PAPOLB: variants seen among roughly 807,000 people sequenced by gnomAD.
PAPOLB encodes poly(A) polymerase beta, also known as PAP-beta.
Under a neutral mutation model 23.2 loss-of-function variants are expected in PAPOLB, and 19 were observed. The ratio of observed to expected loss-of-function variants is 0.82; its 90% CI spans 0.57 to 1.20. The LOEUF is 1.20. PAPOLB is among the 50% of genes most tolerant of loss of function. PAPOLB has a pLI of 0.00. For missense variants in PAPOLB, 822 were observed against 776.8 expected, an observed-to-expected ratio of 1.06 and a Z score of -0.69; for synonymous variants, 360 against 290.7, an observed-to-expected ratio of 1.24 and a Z score of -2.43.
rs368004972 is a variant in PAPOLB at position 4,861,652 on chromosome 7, G to A, written c.159C>T (p.Phe53=). ...LIETLRPFGV[F]EEEEELQRRI... ...TGCGCTGCAGTTCCTCTTCCTCTTC[G>A]AAGACCCCGAAGGGCCTGAGGGTTT... Residue 53 remains phenylalanine, a synonymous_variant, in exon 1 of 1, where the codon TTC becomes TTT. Coordinates refer to ENST00000404991, the MANE Select transcript of PAPOLB (RefSeq NM_020144.5). 6.2e-7 allele frequency: 1 copy of A among 1,605,144 alleles called. No homozygotes were observed. The highest frequency in any genetic ancestry group is 2.2e-5 in the East Asian group (1 of 44,828).
At position 4,861,563 on chromosome 7, in the gene PAPOLB, C is replaced by G; in HGVS notation, c.248G>C (p.Ser83Thr). ...AATTACAGACTGGGGAAGACTCTTG[C>G]TTTCACTGATTTCGCGTATCCATTC... ...VKEWIREISE[S>T]KSLPQSVIEN... The change falls in exon 1 of 1, where the codon AGC (serine) becomes ACC (threonine). Residue 83 changes from serine to threonine, a missense_variant. By Grantham distance (58) the Ser-to-Thr change is moderately conservative. Around this residue, in one of 3 missense-constraint regions of PAPOLB, gnomAD observed 276 missense variants for 243.9 expected, o/e 1.13. Coordinates refer to ENST00000404991, the MANE Select transcript of PAPOLB (RefSeq NM_020144.5). 1.2e-6 allele frequency: 2 copies of G among 1,614,004 alleles called. No individual in the cohort carries two copies. Among genetic ancestry groups the G allele is most frequent in the Non-Finnish European group, 1.7e-6 (2 of 1,179,884 alleles).
rs760580979 is a variant in PAPOLB at position 4,861,047 on chromosome 7, G to C, written c.764C>G (p.Ala255Gly). Residue 255 changes from alanine (A) to glycine (G), a missense_variant, in exon 1 of 1, where the codon GCA (alanine) becomes GGA (glycine). Coordinates refer to ENST00000404991, the MANE Select transcript of PAPOLB (RefSeq NM_020144.5). ...LGGVSWAMLV[A>G]RTCQLYPNAV... ...ATTTGGATAAAGCTGACAAGTTCTT[G>C]CTACTAGCATGGCCCAGGAAACACC... 1.2e-6 allele frequency: 2 copies of C among 1,614,202 alleles called. No individual in the cohort carries two copies. Among genetic ancestry groups the C allele is most frequent in the South Asian group, 2.2e-5 (2 of 91,080 alleles).
Position 4,861,790 on chromosome 7 carries a change from T to A in PAPOLB, c.21A>T (p.Thr7=). 1 of 1,468,166 alleles carries A rather than the reference T, an allele frequency of 6.8e-7. No individual in the cohort carries two copies. Among genetic ancestry groups the A allele is most frequent in the Non-Finnish European group, 9.0e-7 (1 of 1,111,956 alleles). 90.9% of individuals were successfully genotyped at this position (1,468,166 alleles called of 1,614,324 possible). MMPFPV[T]TQGPPQPAPP... is the part of the protein sequence containing the mutation. ...GCGCCGGCTGCGGTGGTCCCTGGGT[T>A]GTCACCGGAAACGGCATCATCTTTC... Residue 7 remains threonine, a synonymous_variant, in exon 1 of 1, where the codon ACA becomes ACT. Transcript: ENST00000404991.
Position 4,861,731 on chromosome 7 carries a change from A to T in PAPOLB, c.80T>A (p.Ile27Asn). ...CGTCTCCTTGGGGACCGCTAGACTG[A>T]TAGGCGAGGAGACGCCGTAGCGATT... ...PPNRYGVSSPISLAVPKETDC... is the reference protein window; with the variant it reads ...PPNRYGVSSPNSLAVPKETDC... Residue 27 changes from isoleucine (I) to asparagine (N), a missense_variant, in exon 1 of 1, where the codon ATC (isoleucine) becomes AAC (asparagine). Ile to Asn is a moderately radical substitution (Grantham distance 149). Transcript: ENST00000404991. The T allele has an allele frequency of 6.6e-7, 1 of 1,523,750 alleles. No individual in the cohort carries two copies. The highest frequency in any genetic ancestry group is 1.3e-5 in the South Asian group (1 of 75,782). 94.4% of individuals were successfully genotyped at this position (1,523,750 alleles called of 1,614,324 possible).
In PAPOLB at chr7:4,861,763, C is replaced by A; in HGVS notation, c.48G>T (p.Pro16=). The part of the protein sequence containing the change: ...VTTQGPPQPA[P]PPNRYGVSSP... ...AGGAGACGCCGTAGCGATTCGGCGG[C>A]GGCGCCGGCTGCGGTGGTCCCTGGG... The change falls in exon 1 of 1, where the codon CCG becomes CCT. Residue 16 remains proline, a synonymous_variant. Coordinates refer to ENST00000404991, the MANE Select transcript of PAPOLB (RefSeq NM_020144.5). 6.7e-7 allele frequency: 1 copy of A among 1,485,324 alleles called. No individual in the cohort carries two copies. The highest frequency in any genetic ancestry group is 8.9e-7 in the Non-Finnish European group (1 of 1,119,752). 92.0% of individuals were successfully genotyped at this position (1,485,324 alleles called of 1,614,324 possible). A position where few individuals can be genotyped will look rare whatever the true frequency, so the allele number is the denominator to read the frequency against.
At position 4,861,743 on chromosome 7, in the gene PAPOLB, ACGCCGTAGCGATTCGGCGGCGG is replaced by A; in HGVS notation, c.46_67del (p.Pro16SerfsTer7). 2.0e-6 allele frequency: 3 copies of A among 1,507,744 alleles called. No homozygotes were observed. Among genetic ancestry groups the A allele is most frequent in the Non-Finnish European group, 2.7e-6 (3 of 1,130,258 alleles). 93.4% of individuals were successfully genotyped at this position (1,507,744 alleles called of 1,614,324 possible). A position where few individuals can be genotyped will look rare whatever the true frequency, so the allele number is the denominator to read the frequency against. On this transcript the variant is annotated frameshift_variant, in exon 1 of 1. Coordinates refer to ENST00000404991, the MANE Select transcript of PAPOLB (RefSeq NM_020144.5). LOFTEE classifies it high-confidence loss of function. ...GACCGCTAGACTGATAGGCGAGGAGACGCCGTAGCGATTCGGCGGCGGCGCCGGCTGCGGTGGTCCCTGGGTT... is the reference window on the plus strand; with the variant it reads ...GACCGCTAGACTGATAGGCGAGGAGACGCCGGCTGCGGTGGTCCCTGGGTT...
In PAPOLB at chr7:4,861,159, T is replaced by C. The variant is rs770841274; in HGVS notation, c.652A>G (p.Ile218Val). 9.3e-6 allele frequency: 15 copies of C among 1,614,134 alleles called. No individual in the cohort carries two copies. In the South Asian group the frequency reaches 1.5e-4, roughly 17 times the overall value. ...CTCAGAGTCAGCCTGAAGTTGTCAA[T>C]GTTTGGCACTAGATGTAAAATTTCA... ...TDEILHLVPN[I>V]DNFRLTLRAI... The change falls in exon 1 of 1, where the codon ATT (isoleucine) becomes GTT (valine). Residue 218 changes from isoleucine (I) to valine (V), a missense_variant. By Grantham distance (29) the Ile-to-Val change is conservative. Transcript: ENST00000404991.
rs576629615 is a variant in PAPOLB, at chr7:4,857,862, A to C, written c.*2035T>G. 2 of 152,660 alleles carry C rather than the reference A, an allele frequency of 1.3e-5. No individual in the cohort carries two copies. Among genetic ancestry groups the C allele is most frequent in the Admixed American group, 6.5e-5 (1 of 15,282 alleles). 9.5% of individuals were successfully genotyped at this position (152,660 alleles called of 1,614,324 possible). ...AAAGCAAACTCCACTCACTAGGTAC[A>C]TCACATGAAAAAATGGTCTGACATT... On this transcript the variant is annotated 3_prime_UTR_variant, in exon 1 of 1. Coordinates refer to ENST00000404991, the MANE Select transcript of PAPOLB (RefSeq NM_020144.5).
rs970806944 is a variant in PAPOLB at position 4,858,407 on chromosome 7, T to G, written c.*1490A>C. On this transcript the variant is annotated 3_prime_UTR_variant, in exon 1 of 1. Transcript: ENST00000404991. ...TCCTAATCATAGATGCTCTACTGCT[T>G]AATTATGAGATTTTTTTTAACTTAA... 3.9e-5 allele frequency: 6 copies of G among 152,354 alleles called. No individual in the cohort carries two copies. Among genetic ancestry groups the G allele is most frequent in the Non-Finnish European group, 8.8e-5 (6 of 68,010 alleles). 9.4% of individuals were successfully genotyped at this position (152,354 alleles called of 1,614,324 possible). A position where few individuals can be genotyped will look rare whatever the true frequency, so the allele number is the denominator to read the frequency against.
In PAPOLB at chr7:4,859,762, G is replaced by T; in HGVS notation, c.*135C>A. 1.6e-6 allele frequency: 1 copy of T among 621,624 alleles called. No homozygotes were observed. Among genetic ancestry groups the T allele is most frequent in the South Asian group, 2.0e-5 (1 of 49,712 alleles). The allele number at this position is 621,624 out of a possible 1,614,324, so 38.5% of individuals were successfully genotyped here. A position where few individuals can be genotyped will look rare whatever the true frequency, so the allele number is the denominator to read the frequency against. On this transcript the variant is annotated 3_prime_UTR_variant, in exon 1 of 1. Coordinates refer to ENST00000404991, the MANE Select transcript of PAPOLB (RefSeq NM_020144.5). ...AAAGATCTATACTGATGTTCCCTGA[G>T]AGGCCAATAGAGAAGATGCTGTCTG...
Position 4,860,172 on chromosome 7 carries a change from G to C in PAPOLB, c.1639C>G (p.Pro547Ala). 4 of 1,613,894 alleles carry C rather than the reference G, an allele frequency of 2.5e-6. No homozygotes were observed. The highest frequency in any genetic ancestry group is 3.4e-6 in the Non-Finnish European group (4 of 1,179,864). The change falls in exon 1 of 1, where the codon CCA (proline) becomes GCA (alanine). Residue 547 changes from proline (P) to alanine (A), a missense_variant. By Grantham distance (27) the Pro-to-Ala change is conservative. Transcript: ENST00000404991. ...PSSTSTMKTG[P>A]LISSSQGRNS... ...CTACCCTGAGAACTGCTAATCAATG[G>C]GCCTGTCTTCATAGTGCTAGTAGAT... is the stretch of plus-strand genomic sequence containing the variant.
In PAPOLB at chr7:4,860,698, C is replaced by T. The variant is rs762210778; in HGVS notation, c.1113G>A (p.Lys371=). The change falls in exon 1 of 1, where the codon AAG becomes AAA. Residue 371 remains lysine, a synonymous_variant. Coordinates refer to ENST00000404991, the MANE Select transcript of PAPOLB (RefSeq NM_020144.5). The part of the protein sequence containing the change: ...KLFEAPSFFQ[K]YKHYIVLLAS... ...CCAGAAGTACAATATAATGCTTGTACTTTTGAAAGAAGCTTGGAGCTTCAA... is the reference window on the plus strand; with the variant it reads ...CCAGAAGTACAATATAATGCTTGTATTTTTGAAAGAAGCTTGGAGCTTCAA... 1.2e-6 allele frequency: 2 copies of T among 1,614,142 alleles called. No homozygotes were observed. The highest frequency in any genetic ancestry group is 1.7e-6 in the Non-Finnish European group (2 of 1,180,016).
rs181339611 is a variant in PAPOLB at position 4,859,004 on chromosome 7, C to A, written c.*893G>T. ...TGCTAATTACTCTAAAACAGTTCTA[C>A]AGATTAAAACCAGTGTGTCCTTTCT... On this transcript the variant is annotated 3_prime_UTR_variant, in exon 1 of 1. Coordinates refer to ENST00000404991, the MANE Select transcript of PAPOLB (RefSeq NM_020144.5). The A allele has an allele frequency of 6.6e-5, 10 of 152,272 alleles. No individual in the cohort carries two copies. The East Asian group carries it at 1.7e-3, about 26-fold the overall frequency. The allele number at this position is 152,272 out of a possible 1,614,324, so 9.4% of individuals were successfully genotyped here. A position where few individuals can be genotyped will look rare whatever the true frequency, so the allele number is the denominator to read the frequency against.
At position 4,860,534 on chromosome 7, in the gene PAPOLB, T is replaced by C. The variant is rs6964535; in HGVS notation, c.1277A>G (p.Lys426Arg). ...AAATTCTTCCATATCAGGATTTTCT[T>C]TGGGTGCTGGAAATGACTGTGGATT... ...HVNPQSFPAP[K>R]ENPDMEEFRT... The change falls in exon 1 of 1, where the codon AAA becomes AGA. Residue 426 changes from lysine to arginine, a missense_variant. Transcript: ENST00000404991. 8,699 of 1,614,202 alleles carry C rather than the reference T, an allele frequency of 5.4e-3. 375 individuals carry two copies. In the African/African-American group the frequency reaches 0.1, roughly 19 times the overall value.
chr7:4,858,764 A>G lies in PAPOLB; in HGVS notation c.*1133T>C, dbSNP rs1275587998. The G allele has an allele frequency of 1.3e-5, 2 of 152,408 alleles. No homozygotes were observed. Among genetic ancestry groups the G allele is most frequent in the African/African-American group, 4.8e-5 (2 of 41,438 alleles). 9.4% of individuals were successfully genotyped at this position (152,408 alleles called of 1,614,324 possible). ...AAAATGTGGTGTTTCATCATAACCA[A>G]TATTTGGTGTTTTGTGCCATGTGGC... On this transcript the variant is annotated 3_prime_UTR_variant, in exon 1 of 1. Transcript: ENST00000404991.
Position 4,858,639 on chromosome 7 carries a change from T to C in PAPOLB, c.*1258A>G, listed in dbSNP as rs777578761. 4 of 152,630 alleles carry C rather than the reference T, an allele frequency of 2.6e-5. No homozygotes were observed. The highest frequency in any genetic ancestry group is 5.9e-5 in the Non-Finnish European group (4 of 68,014). 9.5% of individuals were successfully genotyped at this position (152,630 alleles called of 1,614,324 possible). ...GGAAATTAACTTTCCTATAAGGAGG[T>C]ATTCTGTGGAATGAACAAAACTTCT... On this transcript the variant is annotated 3_prime_UTR_variant, in exon 1 of 1. Coordinates refer to ENST00000404991, the MANE Select transcript of PAPOLB (RefSeq NM_020144.5).
In PAPOLB at chr7:4,861,636, GTTCCTC is replaced by G. The variant is rs1562454946; in HGVS notation, c.169_174del (p.Glu57_Glu58del). 1.9e-6 allele frequency: 3 copies of G among 1,610,200 alleles called. No homozygotes were observed. The highest frequency in any genetic ancestry group is 1.1e-5 in the South Asian group (1 of 90,530). On this transcript the variant is annotated inframe_deletion, in exon 1 of 1. Coordinates refer to ENST00000404991, the MANE Select transcript of PAPOLB (RefSeq NM_020144.5). ...TCCAAAACTAAAATCCTGCGCTGCA[GTTCCTC>G]TTCCTCTTCGAAGACCCCGAAGGGC... is the stretch of plus-strand genomic sequence containing the variant.
In PAPOLB at chr7:4,861,560, T is replaced by C. The variant is rs3750010; in HGVS notation, c.251A>G (p.Lys84Arg). Residue 84 changes from lysine (K) to arginine (R), a missense_variant, in exon 1 of 1, where the codon AAG becomes AGG. Lys to Arg is a conservative substitution (Grantham distance 26). This residue lies in a region of PAPOLB where 276 missense variants were observed against 243.9 expected (regional missense o/e 1.13). Coordinates refer to ENST00000404991, the MANE Select transcript of PAPOLB (RefSeq NM_020144.5). ...KEWIREISES[K>R]SLPQSVIENV... ...TTCAATTACAGACTGGGGAAGACTC[T>C]TGCTTTCACTGATTTCGCGTATCCA... 0.12 allele frequency: 196,437 copies of C among 1,613,624 alleles called. 13,651 individuals are homozygous for C. Among genetic ancestry groups the C allele is most frequent in the African/African-American group, 0.28 (21,174 of 75,006 alleles).
In PAPOLB at chr7:4,861,649, T is replaced by C; in HGVS notation, c.162A>G (p.Glu54=). 6.2e-7 allele frequency: 1 copy of C among 1,606,822 alleles called. No homozygotes were observed. The highest frequency in any genetic ancestry group is 8.5e-7 in the Non-Finnish European group (1 of 1,176,624). ...IETLRPFGVF[E]EEEELQRRIL... is the part of the protein sequence containing the mutation. ...TCCTGCGCTGCAGTTCCTCTTCCTCTTCGAAGACCCCGAAGGGCCTGAGGG... is the reference window on the plus strand; with the variant it reads ...TCCTGCGCTGCAGTTCCTCTTCCTCCTCGAAGACCCCGAAGGGCCTGAGGG... The change falls in exon 1 of 1, where the codon GAA becomes GAG. Residue 54 remains glutamate (E), a synonymous_variant. Coordinates refer to ENST00000404991, the MANE Select transcript of PAPOLB (RefSeq NM_020144.5).
Sources: allele counts gnomAD v4.1 joint callset, GRCh38; gene constraint gnomAD v4.1.1; regional missense constraint gnomAD v4.1.1; transcripts MANE v1.5; gene names NCBI Gene and HGNC (gene_info 2026-07-23, HGNC 2026-07-21).